SLAIN2: variants seen among roughly 807,000 people sequenced by gnomAD.
SLAIN2 encodes the protein SLAIN motif-containing protein 2.
Under a neutral mutation model 56.6 loss-of-function variants are expected in SLAIN2, and 31 were observed. The observed-to-expected ratio is 0.55, with a 90% confidence interval of 0.41 to 0.74. The LOEUF is 0.74. Ranked by LOEUF, SLAIN2 falls within the 30% of genes least tolerant of loss-of-function variation. The pLI is 0.00. For synonymous variants in SLAIN2, 317 were observed against 284.9 expected, an observed-to-expected ratio of 1.11 and a Z score of -1.13; for missense variants, 777 against 754.2, an observed-to-expected ratio of 1.03 and a Z score of -0.35.
chr4:48,376,666 G>C (rs1715822372), intron 2 of SLAIN2, among the ~76,000 whole-genome samples: 1 of 129,592 alleles, frequency 7.7e-6, no homozygotes, highest in African/African-American at 2.9e-5. Flanking sequence ...CTGTCACCCA[G>C]GCTGGAGTGC....
rs1577712006 is a variant in SLAIN2 at position 48,359,197 on chromosome 4, A to C, written c.390-10652A>C. ...CAGATCCAAATATTTGAACATGTATAAGTGTCTGTGTTGGGGATTCTGCAT... is the reference window on the plus strand; with the variant it reads ...CAGATCCAAATATTTGAACATGTATCAGTGTCTGTGTTGGGGATTCTGCAT... On this transcript the variant is annotated intron_variant, in intron 1 of 7. Coordinates refer to ENST00000264313, the MANE Select transcript of SLAIN2 (RefSeq NM_020846.2). Among the ~76,000 whole-genome samples the C allele has an allele frequency of 2.6e-5, 4 of 152,212 alleles. No individual in the cohort carries two copies. The South Asian group carries it at 8.3e-4, about 32-fold the overall frequency.
intron 6 of SLAIN2, among the ~76,000 whole-genome samples, chr4:48,398,158 C>T (rs1322522151): frequency 6.6e-6 from 1 of 152,114 alleles, no homozygotes; most frequent in Non-Finnish European, 1.5e-5. Flanking sequence ...TCCACAGCCT[C>T]GCCAGCCAGC....
intron 1 of SLAIN2, among the ~76,000 whole-genome samples, chr4:48,358,225 G>A (rs1338708233): frequency 2.6e-5 from 4 of 152,048 alleles, no homozygotes; most frequent in Non-Finnish European, 5.9e-5. Context: ...AAGATTGAAA[G>A]AGTTACTATA....
intron 1 of SLAIN2, among the ~76,000 whole-genome samples, chr4:48,368,208 C>G (rs991771405): frequency 3.3e-5 from 5 of 151,974 alleles, no homozygotes; most frequent in Non-Finnish European, 7.4e-5. Flanking sequence ...GCCACCACAC[C>G]TGGCTAATTT....
At chr4:48,392,872 G>C (rs1166664257) in intron 6 of SLAIN2, among the ~76,000 whole-genome samples, 1 of 147,554 alleles carries the variant, frequency 6.8e-6, no homozygotes, top group East Asian at 2.0e-4. Flanking sequence ...ATGAGAGTGG[G>C]GACTGTAGCC....
At chr4:48,368,997 G>C (rs1386241827) in intron 1 of SLAIN2, among the ~76,000 whole-genome samples, 3 of 152,186 alleles carry the variant, frequency 2.0e-5, no homozygotes, top group Non-Finnish European at 4.4e-5. Flanking sequence ...TAATGTAAAT[G>C]AGATTATTGA....
intron 4 of SLAIN2, 94 bp from the exon 5 acceptor site, chr4:48,382,472 CTT>C: frequency 7.8e-7 from 1 of 1,283,308 alleles, no homozygotes; most frequent in Non-Finnish European, 1.0e-6. Context: ...TTTACACCCT[CTT>C]TGAATTTTTC....
intron 6 of SLAIN2, among the ~76,000 whole-genome samples, chr4:48,403,607 G>C (rs527441313): frequency 6.6e-5 from 10 of 152,292 alleles, no homozygotes; most frequent in Non-Finnish European, 1.3e-4. Flanking sequence ...TTCCTCCCAG[G>C]AGTTCGGTCT....
At chr4:48,362,222 T>G (rs1715344556) in intron 1 of SLAIN2, among the ~76,000 whole-genome samples, 1 of 152,148 alleles carries the variant, frequency 6.6e-6, no homozygotes, top group African/African-American at 2.4e-5. Context: ...GTTCCTAGTC[T>G]TAGGAGAAAC....
intron 1 of SLAIN2, among the ~76,000 whole-genome samples, chr4:48,344,418 G>T (rs959275825): frequency 6.6e-6 from 1 of 152,076 alleles, no homozygotes; most frequent in African/African-American, 2.4e-5. Flanking sequence ...GTTTCCTCCC[G>T]AGTGTATGTG....
At chr4:48,355,462 C>A (rs1313128814) in intron 1 of SLAIN2, among the ~76,000 whole-genome samples, 1 of 152,130 alleles carries the variant, frequency 6.6e-6, no homozygotes, top group Admixed American at 6.5e-5. Context: ...AATGTCAATT[C>A]TAGTAATACT....
At chr4:48,402,196 C>A (rs1716572777) in intron 6 of SLAIN2, among the ~76,000 whole-genome samples, 2 of 120,404 alleles carry the variant, frequency 1.7e-5, no homozygotes, top group Non-Finnish European at 3.8e-5. Flanking sequence ...TCTGGCTGCC[C>A]TTAATTTTTT....
intron 6 of SLAIN2, among the ~76,000 whole-genome samples, chr4:48,398,993 C>T (rs896969770): frequency 2.0e-5 from 3 of 152,014 alleles, no homozygotes; most frequent in African/African-American, 7.3e-5. Context: ...TTTTTGGTTC[C>T]ATATGAATTT....
intron 2 of SLAIN2, among the ~76,000 whole-genome samples, chr4:48,371,565 T>G (rs1371045742): frequency 6.6e-6 from 1 of 152,130 alleles, no homozygotes. Context: ...TTTCTGGCAT[T>G]AATGTACTTA....
intron 6 of SLAIN2, among the ~76,000 whole-genome samples, chr4:48,393,883 A>G (rs916680948): frequency 1.3e-5 from 2 of 152,132 alleles, no homozygotes; most frequent in Non-Finnish European, 2.9e-5. Flanking sequence ...GAGTTTGGAA[A>G]AAAGCTTAGC....
chr4:48,346,955 T>G (rs1400452904), intron 1 of SLAIN2, among the ~76,000 whole-genome samples: 3 of 151,324 alleles, frequency 2.0e-5, no homozygotes, highest in Non-Finnish European at 2.9e-5. Context: ...ATTACAGGCA[T>G]GAGCCACTGT....
intron 1 of SLAIN2, among the ~76,000 whole-genome samples, chr4:48,362,063 T>G (rs1353771927): frequency 6.6e-6 from 1 of 152,216 alleles, no homozygotes; most frequent in Non-Finnish European, 1.5e-5. Flanking sequence ...AAGAGTTTTA[T>G]AATGGATTTT....
intron 2 of SLAIN2, among the ~76,000 whole-genome samples, chr4:48,375,724 T>A (rs1369022837): frequency 6.6e-6 from 1 of 152,190 alleles, no homozygotes; most frequent in East Asian, 1.9e-4. Flanking sequence ...TCTCAGGCCT[T>A]CCATGACCTG....
At chr4:48,387,671 C>T (rs916845749) in intron 6 of SLAIN2, among the ~76,000 whole-genome samples, 5 of 151,074 alleles carry the variant, frequency 3.3e-5, no homozygotes, top group African/African-American at 7.3e-5. Context: ...GTAGGAAATT[C>T]AAAATATTAG....
Sources: gnomAD v4.1 joint callset for allele counts (sites outside exome capture counted in the v4.1 genomes callset) on GRCh38, gnomAD v4.1.1 for gene constraint, MANE v1.5 for transcripts, NCBI Gene and HGNC (gene_info 2026-07-23, HGNC 2026-07-21) for gene names.